GABRB3: variants seen among roughly 807,000 people sequenced by gnomAD.
GABRB3 encodes gamma-aminobutyric acid type A receptor subunit beta3, also known as gamma-aminobutyric acid receptor subunit beta-3.
GABRB3 carries 14 observed loss-of-function variants against 52.1 expected under a neutral mutation model. The observed-to-expected ratio is 0.27, with a 90% confidence interval of 0.18 to 0.42. The LOEUF (loss-of-function observed/expected upper bound fraction) is 0.42. Ranked by LOEUF, GABRB3 falls within the 10% of genes least tolerant of loss-of-function variation. GABRB3 has a pLI of 1.00. For synonymous variants in GABRB3, 260 were observed against 232.3 expected (o/e 1.12, Z -1.08); for missense variants, 307 against 609.1 (o/e 0.50, Z 5.22).
At chr15:26,605,182 C>T (rs1891740601) in intron 4 of GABRB3, among the ~76,000 whole-genome samples, 1 of 152,084 alleles carries the variant, frequency 6.6e-6, no homozygotes, top group Non-Finnish European at 1.5e-5. Context: ...CACTGATCAT[C>T]AGAGAAATGC....
In GABRB3 at chr15:26,554,176, G is replaced by GTATATATATATATATATATATATATA. The variant is rs71130258; in HGVS notation, c.1081-6043_1081-6042insTATATATATATATATATATATATATA. ...TATATATAAAGTATATATATATAAA[G>GTATATATATATATATATATATATATA]TATATATATATATACTATATATATA... is the stretch of plus-strand genomic sequence containing the variant. On this transcript the variant is annotated intron_variant, in intron 8 of 8. Transcript: ENST00000311550. Among the ~76,000 whole-genome samples, 88 of 27,330 alleles carry GTATATATATATATATATATATATATA rather than the reference G, an allele frequency of 3.2e-3. 4 individuals are homozygous for GTATATATATATATATATATATATATA. Among genetic ancestry groups the GTATATATATATATATATATATATATA allele is most frequent in the Admixed American group, 9.2e-3 (14 of 1,524 alleles). The allele number at this position is 27,330 out of a possible 152,430, so 17.9% of individuals were successfully genotyped here.
intron 3 of GABRB3, among the ~76,000 whole-genome samples, chr15:26,716,264 G>A (rs1482914104): frequency 6.6e-6 from 1 of 152,146 alleles, no homozygotes; most frequent in Non-Finnish European, 1.5e-5. Flanking sequence ...GTGTGTGATG[G>A]GTGTGCGCTG....
intron 4 of GABRB3, among the ~76,000 whole-genome samples, chr15:26,598,007 A>C (rs541864127): frequency 6.6e-6 from 1 of 152,324 alleles, no homozygotes; most frequent in East Asian, 1.9e-4. Flanking sequence ...GAAAGGGAAA[A>C]TGTTAATGCT....
At chr15:26,642,430 T>G in intron 3 of GABRB3, 1 of 1,270,592 alleles carries the variant, frequency 7.9e-7, no homozygotes, top group South Asian at 1.2e-5. Context: ...TATGTATACA[T>G]ACATTTTCAA....
At chr15:26,714,372 T>C (rs140075134) in intron 3 of GABRB3, among the ~76,000 whole-genome samples, 3 of 152,322 alleles carry the variant, frequency 2.0e-5, no homozygotes, top group African/African-American at 7.2e-5. Flanking sequence ...TGCAAGTCCG[T>C]GACACAGCCT....
chr15:26,654,436 G>A (rs868292240), intron 3 of GABRB3, among the ~76,000 whole-genome samples: 29 of 148,502 alleles, frequency 2.0e-4, no homozygotes, highest in African/African-American at 5.9e-4. Flanking sequence ...GTGAGCCACC[G>A]CACCCAGCCA....
chr15:26,703,765 G>A lies in GABRB3; in HGVS notation c.240+68637C>T, dbSNP rs776438140. ...TCCCAAGTAAGTCCAAAACCCAAAGGGGGCAAGCATTACATCTTAAGACTG... is the reference window on the plus strand; with the variant it reads ...TCCCAAGTAAGTCCAAAACCCAAAGAGGGCAAGCATTACATCTTAAGACTG... On this transcript the variant is annotated intron_variant, in intron 3 of 8. Transcript: ENST00000311550. Among the ~76,000 whole-genome samples the A allele has an allele frequency of 5.5e-4, 84 of 152,294 alleles. 1 individual carries two copies. Among genetic ancestry groups the A allele is most frequent in the African/African-American group, 1.8e-3 (75 of 41,556 alleles).
At chr15:26,558,405 G>C (rs771786718) in intron 8 of GABRB3, among the ~76,000 whole-genome samples, 1 of 152,216 alleles carries the variant, frequency 6.6e-6, no homozygotes, top group Non-Finnish European at 1.5e-5. Context: ...AGGAGCTACT[G>C]TGTTCGCTGG....
intron 3 of GABRB3, among the ~76,000 whole-genome samples, chr15:26,735,366 G>A (rs976085083): frequency 3.3e-5 from 5 of 152,224 alleles, no homozygotes; most frequent in Admixed American, 1.3e-4. Flanking sequence ...ATTACCATAT[G>A]AGGTAGCAGT....
intron 6 of GABRB3, among the ~76,000 whole-genome samples, chr15:26,568,244 C>G (rs963223140): frequency 1.3e-5 from 2 of 152,100 alleles, no homozygotes; most frequent in Non-Finnish European, 1.5e-5. Context: ...AGAAGCAAGT[C>G]CAGTCCCGGA....
intron 4 of GABRB3, among the ~76,000 whole-genome samples, chr15:26,618,756 G>A (rs1389911027): frequency 6.6e-6 from 1 of 151,936 alleles, no homozygotes; most frequent in Non-Finnish European, 1.5e-5. Context: ...GAAAATTTTT[G>A]CAACCTACTC....
At chr15:26,626,178 CTAT>C (rs199504426) in intron 3 of GABRB3, among the ~76,000 whole-genome samples, 6 of 152,202 alleles carry the variant, frequency 3.9e-5, no homozygotes, top group East Asian at 1.9e-4. Flanking sequence ...TTTGATATTA[CTAT>C]TATTATCACT....
At chr15:26,554,265 G>A (rs1889671015) in intron 8 of GABRB3, among the ~76,000 whole-genome samples, 1 of 139,484 alleles carries the variant, frequency 7.2e-6, no homozygotes, top group South Asian at 2.3e-4. Context: ...CCAGGCTCAA[G>A]TGATCCTCCC....
chr15:26,621,352 G>T lies in GABRB3; in HGVS notation c.423C>A (p.Ile141=). The T allele has an allele frequency of 6.2e-7, 1 of 1,614,046 alleles. No individual in the cohort carries two copies. The highest frequency in any genetic ancestry group is 8.5e-7 in the Non-Finnish European group (1 of 1,180,030). ...VHGVTVKNRM[I]RLHPDGTVLY... ...GCACTGTCCCATCAGGGTGAAGACGGATCATGCGGTTTTTCACTGTCACTC... is the reference window on the plus strand; with the variant it reads ...GCACTGTCCCATCAGGGTGAAGACGTATCATGCGGTTTTTCACTGTCACTC... Residue 141 remains isoleucine (I), a synonymous_variant, in exon 4 of 9, where the codon ATC becomes ATA. Coordinates refer to ENST00000311550, the MANE Select transcript of GABRB3 (RefSeq NM_000814.6). The surrounding 1 kb of genome is among the most constrained non-coding windows in gnomAD (Gnocchi z 4.1).
chr15:26,701,259 T>C lies in GABRB3; in HGVS notation c.240+71143A>G, dbSNP rs531273719. The stretch of plus-strand genomic sequence containing the variant: ...TGAGAGATCCAGCCAGTGTGGTAAG[T>C]TGGGGGGAAAAAAATAGAGAGAAAA... On this transcript the variant is annotated intron_variant, in intron 3 of 8. Transcript: ENST00000311550. Among the ~76,000 whole-genome samples, 5 of 150,894 alleles carry C rather than the reference T, an allele frequency of 3.3e-5. No homozygotes were observed. In the East Asian group the frequency reaches 5.8e-4, roughly 17 times the overall value.
chr15:26,685,034 A>G (rs983869330), intron 3 of GABRB3, among the ~76,000 whole-genome samples: 6 of 152,140 alleles, frequency 3.9e-5, no homozygotes, highest in Non-Finnish European at 8.8e-5. Context: ...AAAGTGTGAT[A>G]AAGTTAGATG....
At chr15:26,706,300 C>A (rs1889100202) in intron 3 of GABRB3, among the ~76,000 whole-genome samples, 1 of 152,174 alleles carries the variant, frequency 6.6e-6, no homozygotes, top group African/African-American at 2.4e-5. Flanking sequence ...ACATACTTAT[C>A]CATAAAATCT....
At chr15:26,677,677 T>A (rs886645541) in intron 3 of GABRB3, among the ~76,000 whole-genome samples, 1 of 152,196 alleles carries the variant, frequency 6.6e-6, no homozygotes, top group African/African-American at 2.4e-5. Flanking sequence ...AATACTACAT[T>A]GTGATATGGA....
chr15:26,764,995 T>A (rs1566834866), intron 3 of GABRB3, among the ~76,000 whole-genome samples: 1 of 151,884 alleles, frequency 6.6e-6, no homozygotes, highest in Non-Finnish European at 1.5e-5. Context: ...CTGGGTGTGG[T>A]GGCGGGCACC....
Sources: allele counts gnomAD v4.1 joint callset (sites outside exome capture counted in the v4.1 genomes callset), GRCh38; gene constraint gnomAD v4.1.1; non-coding constraint Gnocchi (gnomAD v3.1); transcripts MANE v1.5; gene names NCBI Gene and HGNC (gene_info 2026-07-23, HGNC 2026-07-21).